Variants in KRT7 observed in about 807,000 individuals in gnomAD.
The protein encoded by KRT7 is keratin 7.
In KRT7, 50 loss-of-function variants were observed where a neutral mutation model predicts 42.8. The ratio of observed to expected loss-of-function variants is 1.17; its 90% confidence interval spans 0.93 to 1.48. The LOEUF is 1.48. Among genes scored for constraint, KRT7 ranks in the 40% most tolerant of loss-of-function variants. The pLI is 0.00. For synonymous variants in KRT7, 268 were observed against 266.3 expected, an observed-to-expected ratio of 1.01 and a Z score of -0.06; for missense variants, 588 against 637.6, an observed-to-expected ratio of 0.92 and a Z score of 0.84.
intron 8 of KRT7, 89 bp from the exon 9 acceptor site, chr12:52,248,502 C>G: frequency 7.5e-7 from 1 of 1,334,058 alleles, no homozygotes; most frequent in Non-Finnish European, 1.0e-6. Flanking sequence ...AGAGGGGCAG[C>G]TGGGGCAGGA....
chr12:52,243,063 AC>A lies in KRT7; in HGVS notation c.913del (p.Arg305GlyfsTer7). On this transcript the variant is annotated frameshift_variant, in exon 6 of 9. Transcript: ENST00000331817. LOFTEE classifies it high-confidence loss of function. Reference sequence around the variant, plus strand: ...GAAGCATGGGGACGACCTCCGGAATACCCGGAATGAGATTTCAGAGATGAAC... The same window carrying A: ...GAAGCATGGGGACGACCTCCGGAATACCGGAATGAGATTTCAGAGATGAAC... Reference protein sequence around the residue: ...AGKHGDDLRNTRNEISEMNRA... With the variant: ...AGKHGDDLRNXRNEISEMNRA... 6.2e-7 allele frequency: 1 copy of A among 1,613,762 alleles called. No individual in the cohort carries two copies. The highest frequency in any genetic ancestry group is 8.5e-7 in the Non-Finnish European group (1 of 1,179,858).
At chr12:52,250,039 A>C (rs1024345700), downstream of KRT7, among the ~76,000 whole-genome samples, 1 of 152,166 alleles carries the variant, frequency 6.6e-6, no homozygotes, top group Non-Finnish European at 1.5e-5. Context: ...GGAAATGCTG[A>C]GACAAGCACA....
intron 2 of KRT7, among the ~76,000 whole-genome samples, chr12:52,236,204 C>CA (rs1014251986): frequency 2.1e-4 from 31 of 150,940 alleles, no homozygotes; most frequent in Admixed American, 4.6e-4. Context: ...AGTGCCCCCC[C>CA]CCAACACTCC....
chr12:52,233,639 C>T lies in KRT7; in HGVS notation c.324+19C>T. The stretch of plus-strand genomic sequence containing the variant: ...CGACAAGGTGAGCGGGACTGGACCT[C>T]GCCTCTCCTCGAGCCGCGCTCCAGA... On this transcript the variant is annotated intron_variant, in intron 1 of 8. Coordinates refer to ENST00000331817, the MANE Select transcript of KRT7 (RefSeq NM_005556.4). 6.2e-7 allele frequency: 1 copy of T among 1,610,294 alleles called. No individual in the cohort carries two copies. The highest frequency in any genetic ancestry group is 8.5e-7 in the Non-Finnish European group (1 of 1,178,202).
At chr12:52,236,613 T>A (rs1942016069) in intron 2 of KRT7, among the ~76,000 whole-genome samples, 1 of 152,220 alleles carries the variant, frequency 6.6e-6, no homozygotes, top group Admixed American at 6.5e-5. Context: ...AGTGCAACTT[T>A]GAGGGTATGG....
chr12:52,248,226 G>A lies in KRT7; in HGVS notation c.1240+15G>A. 1 of 1,613,806 alleles carries A rather than the reference G, an allele frequency of 6.2e-7. No homozygotes were observed. Among genetic ancestry groups the A allele is most frequent in the Non-Finnish European group, 8.5e-7 (1 of 1,179,744 alleles). On this transcript the variant is annotated intron_variant, in intron 8 of 8. Transcript: ENST00000331817. The stretch of plus-strand genomic sequence containing the variant: ...CGTGAATATCTGTAAGTCCTTGGCT[G>A]CGGCCCATGGGAAGCATCCCTTGTG...
rs1462672234 is a variant in KRT7, at chr12:52,233,489, G to A, written c.193G>A (p.Glu65Lys). Reference sequence around the variant, plus strand: ...GGGCCCGGTGGGCGCCGGCATCCGCGAGGTCACCATTAACCAGAGCCTGCT... The same window carrying A: ...GGGCCCGGTGGGCGCCGGCATCCGCAAGGTCACCATTAACCAGAGCCTGCT... The part of the protein sequence containing the change: ...YGGPVGAGIR[E>K]VTINQSLLAP... The change falls in exon 1 of 9, where the codon GAG becomes AAG. Residue 65 changes from glutamate to lysine, a missense_variant. Physicochemically the swap from Glu to Lys is moderately conservative, Grantham distance 56. Coordinates refer to ENST00000331817, the MANE Select transcript of KRT7 (RefSeq NM_005556.4). 5.0e-6 allele frequency: 8 copies of A among 1,610,744 alleles called. No homozygotes were observed. In the Admixed American group the frequency reaches 6.7e-5, roughly 13 times the overall value.
Position 52,234,928 on chromosome 12 carries a change from C to G in KRT7, c.325-227C>G, listed in dbSNP as rs569235305. ...AGAGGAGGCCCTGGAGCACATTCGT[C>G]GAGAGTCAACCACGGGGCACTTCCG... On this transcript the variant is annotated intron_variant, in intron 1 of 8. Transcript: ENST00000331817. Among the ~76,000 whole-genome samples, 5 of 152,286 alleles carry G rather than the reference C, an allele frequency of 3.3e-5. No individual in the cohort carries two copies. In the South Asian group the frequency reaches 1.0e-3, roughly 32 times the overall value.
At chr12:52,250,661 G>C (rs542693388), downstream of KRT7, 2 of 672,238 alleles carry the variant, frequency 3.0e-6, no homozygotes, top group Non-Finnish European at 2.6e-6. Context: ...GGGGAGGACA[G>C]GGCCCAGTCT....
chr12:52,241,017 G>A lies in KRT7; in HGVS notation c.694-455G>A, dbSNP rs181977906. On this transcript the variant is annotated intron_variant, in intron 4 of 8. Coordinates refer to ENST00000331817, the MANE Select transcript of KRT7 (RefSeq NM_005556.4). ...TCAATTCCCACCTATGAGTGAGAAC[G>A]CATCATGCTTTTTTTAATGCAACAG... is the stretch of plus-strand genomic sequence containing the variant. 1.1e-3 allele frequency among the ~76,000 whole-genome samples: 159 copies of A among 150,100 alleles called. 3 individuals are homozygous for A. Among genetic ancestry groups the A allele is most frequent in the Admixed American group, 0.01 (153 of 14,914 alleles).
At chr12:52,245,210 G>A (rs891368960) in intron 6 of KRT7, 1 of 600,446 alleles carries the variant, frequency 1.7e-6, no homozygotes, top group Non-Finnish European at 2.9e-6. Context: ...CACACAGCTA[G>A]TAAGTGGCAG....
downstream of KRT7, chr12:52,249,487 TC>T (rs1942230786): frequency 1.3e-5 from 2 of 152,320 alleles, no homozygotes; most frequent in African/African-American, 2.4e-5. Context: ...AGAGTCTAGA[TC>T]CCCGGTAACA....
At chr12:52,235,390 G>GAA in intron 2 of KRT7, 24 bp downstream of exon 2, 1 of 1,578,656 alleles carries the variant, frequency 6.3e-7, no homozygotes, top group African/African-American at 1.3e-5. Flanking sequence ...TGCCACATGC[G>GAA]AAGACCCCTG....
downstream of KRT7, among the ~76,000 whole-genome samples, chr12:52,250,184 A>G (rs1229781472): frequency 2.0e-5 from 3 of 152,232 alleles, no homozygotes; most frequent in African/African-American, 7.2e-5. Context: ...CAGAAGCCAC[A>G]GGCATCCAGG....
At chr12:52,248,966 C>A, downstream of KRT7, 2 of 451,512 alleles carry the variant, frequency 4.4e-6, no homozygotes, top group Non-Finnish European at 3.8e-6. Flanking sequence ...GGGGAAAAGA[C>A]GGGACTAGAG....
Position 52,243,148 on chromosome 12 carries a change from TCCTCCTGGCTTC to T in KRT7, c.984+14_984+25del. 1 of 1,605,680 alleles carries T rather than the reference TCCTCCTGGCTTC, an allele frequency of 6.2e-7. No individual in the cohort carries two copies. The highest frequency in any genetic ancestry group is 8.5e-7 in the Non-Finnish European group (1 of 1,175,634). On this transcript the variant is annotated intron_variant, in intron 6 of 8. Coordinates refer to ENST00000331817, the MANE Select transcript of KRT7 (RefSeq NM_005556.4). ...AACATCAAGAACCAGGTGGGACAAG[TCCTCCTGGCTTC>T]CCCTGCTACTTGGGGCATGCAGGGG...
downstream of KRT7, chr12:52,253,827 C>G (rs1013701784): frequency 7.5e-6 from 4 of 532,468 alleles, no homozygotes; most frequent in African/African-American, 7.7e-5. Context: ...GGTAGCCCAC[C>G]CTCATCATCA....
In KRT7 at chr12:52,245,450, G is replaced by T; in HGVS notation, c.1023G>T (p.Glu341Asp). 1 of 1,614,086 alleles carries T rather than the reference G, an allele frequency of 6.2e-7. No individual in the cohort carries two copies. Among genetic ancestry groups the T allele is most frequent in the Non-Finnish European group, 8.5e-7 (1 of 1,180,014 alleles). The stretch of plus-strand genomic sequence containing the variant: ...AGGCCGCCATTGCCGAGGCTGAGGA[G>T]CGTGGGGAGCTGGCGCTCAAGGATG... ...KLEAAIAEAE[E>D]RGELALKDAR... The change falls in exon 7 of 9, where the codon GAG (glutamate) becomes GAT (aspartate). Residue 341 changes from glutamate (E) to aspartate (D), a missense_variant. Coordinates refer to ENST00000331817, the MANE Select transcript of KRT7 (RefSeq NM_005556.4).
At chr12:52,248,045 G>C in intron 7 of KRT7, 132 bp from the exon 8 acceptor site, 1 of 852,716 alleles carries the variant, frequency 1.2e-6, no homozygotes. Flanking sequence ...CAAGGCTGAA[G>C]GCAGGCTGGA....
Sources: allele counts gnomAD v4.1 joint callset (sites outside exome capture counted in the v4.1 genomes callset), GRCh38; gene constraint gnomAD v4.1.1; transcripts MANE v1.5; gene names NCBI Gene and HGNC (gene_info 2026-07-23, HGNC 2026-07-21).